The following SAMM50 variants were observed in gnomAD, a reference collection of about 807,000 sequenced individuals.
The protein encoded by SAMM50 is sorting and assembly machinery component 50 homolog.
Under a neutral mutation model 66.9 loss-of-function variants are expected in SAMM50, and 47 were observed. That is an observed-to-expected ratio of 0.70 (90% CI 0.56 to 0.90). SAMM50 has a LOEUF of 0.90. Among genes scored for constraint, SAMM50 ranks in the 40% least tolerant of loss-of-function variants. SAMM50 has a pLI of 0.00. For synonymous variants in SAMM50, 191 were observed against 214.1 expected (o/e 0.89, Z 0.94); for missense variants, 535 against 595.3 (o/e 0.90, Z 1.05).
intron 3 of SAMM50, among the ~76,000 whole-genome samples, chr22:43,966,200 C>T (rs897625828): frequency 6.6e-6 from 1 of 152,176 alleles, no homozygotes; most frequent in African/African-American, 2.4e-5. Flanking sequence ...TTCACTCTTA[C>T]AAACAATGCT....
At position 43,956,956 on chromosome 22, in the gene SAMM50, G is replaced by A; in HGVS notation, c.21+1358G>A. The A allele has an allele frequency of 5.0e-6, 3 of 601,498 alleles. No individual in the cohort carries two copies. The South Asian group carries it at 6.2e-5, about 12-fold the overall frequency. The allele number at this position is 601,498 out of a possible 1,614,324, so 37.3% of individuals were successfully genotyped here. ...TGGTTACTAGCAAGTAGGTCAGAGTGCAACCTGAGCTCTTCCTGCCATCTT... is the reference window on the plus strand; with the variant it reads ...TGGTTACTAGCAAGTAGGTCAGAGTACAACCTGAGCTCTTCCTGCCATCTT... On this transcript the variant is annotated intron_variant, in intron 1 of 14. Transcript: ENST00000350028.
chr22:43,962,480 C>G (rs9626068), intron 1 of SAMM50, among the ~76,000 whole-genome samples: 8,135 of 152,228 alleles, frequency 0.053, 248 homozygotes, highest in Middle Eastern at 0.078. Context: ...AATGCTCATT[C>G]AGAAGTTGCT....
intron 14 of SAMM50, among the ~76,000 whole-genome samples, chr22:43,995,791 G>C (rs1190223868): frequency 1.3e-5 from 2 of 152,236 alleles, no homozygotes; most frequent in African/African-American, 2.4e-5. Flanking sequence ...CAGAAGGTCA[G>C]CTCATAACAG....
chr22:43,963,502 A>T (rs2050158026), intron 2 of SAMM50, 106 bp downstream of exon 2: 1 of 587,446 alleles, frequency 1.7e-6, no homozygotes, highest in African/African-American at 1.9e-5. Context: ...TGCCTTTATC[A>T]AAGAAGAGTT....
chr22:43,969,137 G>A (rs1475787343), intron 4 of SAMM50, among the ~76,000 whole-genome samples: 2 of 152,164 alleles, frequency 1.3e-5, no homozygotes, highest in African/African-American at 4.8e-5. Context: ...CCGGGGAGGA[G>A]TGGTGAACTT....
Position 43,962,881 on chromosome 22 carries a change from A to ATTTTTTTTTTTTTTT in SAMM50, c.22-386_22-372dup, listed in dbSNP as rs58022542. On this transcript the variant is annotated intron_variant, in intron 1 of 14. Coordinates refer to ENST00000350028, the MANE Select transcript of SAMM50 (RefSeq NM_015380.5). ...GATTTGTGCGTGACCCTTTTGGTTA[A>ATTTTTTTTTTTTTTT]TTTTTTTTTTTTTTTTTTTTTTTTT... Among the ~76,000 whole-genome samples the ATTTTTTTTTTTTTTT allele has an allele frequency of 2.3e-4, 15 of 65,518 alleles. 1 individual carries two copies. Among genetic ancestry groups the ATTTTTTTTTTTTTTT allele is most frequent in the Non-Finnish European group, 3.2e-4 (12 of 37,172 alleles). The allele number at this position is 65,518 out of a possible 152,430, so 43.0% of individuals were successfully genotyped here. A position where few individuals can be genotyped will look rare whatever the true frequency, so the allele number is the denominator to read the frequency against.
intron 9 of SAMM50, among the ~76,000 whole-genome samples, 189 bp downstream of exon 9, chr22:43,977,010 C>G (rs1185281425): frequency 6.6e-6 from 1 of 152,214 alleles, no homozygotes; most frequent in African/African-American, 2.4e-5. Flanking sequence ...CTCCCTACCC[C>G]CTGCAGTTCA....
At position 43,981,396 on chromosome 22, in the gene SAMM50, T is replaced by A; in HGVS notation, c.942T>A (p.Phe314Leu). The A allele has an allele frequency of 1.2e-6, 2 of 1,613,586 alleles. No homozygotes were observed. The highest frequency in any genetic ancestry group is 1.7e-6 in the Non-Finnish European group (2 of 1,179,554). The part of the protein sequence containing the change: ...LNKQLIFDSV[F>L]SASFWGGMLV... ...ATTTGTTTCTATTTGAACAGGTTTT[T>A]TCAGCGTCTTTCTGGGGCGGAATGT... Residue 314 changes from phenylalanine (F) to leucine (L), a missense_variant, in exon 11 of 15, where the codon TTT (phenylalanine) becomes TTA (leucine). Transcript: ENST00000350028.
chr22:43,979,612 C>G (rs921125209), intron 10 of SAMM50, among the ~76,000 whole-genome samples: 9 of 151,910 alleles, frequency 5.9e-5, no homozygotes, highest in African/African-American at 2.2e-4. Context: ...ACATATTAGT[C>G]TTTTTGAGTC....
intron 7 of SAMM50, 97 bp from the exon 8 acceptor site, chr22:43,975,958 T>A: frequency 7.9e-7 from 1 of 1,266,988 alleles, no homozygotes; most frequent in South Asian, 1.4e-5. Flanking sequence ...ATTAGATATT[T>A]AGTTCATTGT....
intron 11 of SAMM50, among the ~76,000 whole-genome samples, chr22:43,982,469 G>A (rs552000532): frequency 2.6e-5 from 4 of 152,224 alleles, no homozygotes; most frequent in South Asian, 2.1e-4. Flanking sequence ...CCTTTCCAGC[G>A]TGCATGCAGG....
Position 43,996,377 on chromosome 22 carries a change from C to T in SAMM50, c.1404C>T (p.Phe468=), listed in dbSNP as rs368756992. The T allele has an allele frequency of 3.3e-5, 54 of 1,614,040 alleles. No individual in the cohort carries two copies. The highest frequency in any genetic ancestry group is 4.3e-5 in the Non-Finnish European group (51 of 1,179,990). Residue 468 remains phenylalanine, a synonymous_variant, in exon 15 of 15, where the codon TTC becomes TTT. Coordinates refer to ENST00000350028, the MANE Select transcript of SAMM50 (RefSeq NM_015380.5). ...TCCAGTTTGGAGCTGGGATAAGGTT[C>T]CTGTAGCCGACACCCCTACAGGAGA... is the stretch of plus-strand genomic sequence containing the variant. ...DGVQFGAGIR[F]L is the part of the protein sequence containing the mutation.
chr22:43,995,324 A>T (rs893209370), intron 14 of SAMM50: 1 of 152,226 alleles, frequency 6.6e-6, no homozygotes, highest in African/African-American at 2.4e-5. Context: ...GCCGGTGTGC[A>T]TGTGCTCCAA....
At chr22:43,956,500 T>A (rs567662829) in intron 1 of SAMM50, among the ~76,000 whole-genome samples, 1 of 152,362 alleles carries the variant, frequency 6.6e-6, no homozygotes, top group East Asian at 1.9e-4. Context: ...TCTTCTGACA[T>A]CTCTTTGTGT....
intron 12 of SAMM50, chr22:43,988,036 A>C (rs993256782): frequency 6.6e-6 from 1 of 152,168 alleles, no homozygotes; most frequent in African/African-American, 2.4e-5. Flanking sequence ...TTTATTTCTG[A>C]ATGGTAGAAA....
rs578136170 is a variant in SAMM50, at chr22:43,972,994, G to A, written c.553G>A (p.Glu185Lys). 44 of 1,588,252 alleles carry A rather than the reference G, an allele frequency of 2.8e-5. No individual in the cohort carries two copies. Among genetic ancestry groups the A allele is most frequent in the African/African-American group, 1.2e-4 (9 of 72,832 alleles). The part of the protein sequence containing the change: ...SFFKPRPGNF[E>K]RNFSVNLYKV... ...CTTCAAACCACGGCCCGGAAACTTC[G>A]AAAGAAAGTAGGAAGCCCAACAGAT... The change falls in exon 6 of 15, where the codon GAA (glutamate) becomes AAA (lysine). Residue 185 changes from glutamate (E) to lysine (K), a missense_variant. Glu to Lys is a moderately conservative substitution (Grantham distance 56, BLOSUM62 1). Transcript: ENST00000350028.
intron 12 of SAMM50, among the ~76,000 whole-genome samples, chr22:43,984,458 A>G (rs1603419978): frequency 6.7e-6 from 1 of 150,242 alleles, no homozygotes; most frequent in Non-Finnish European, 1.5e-5. Context: ...GATTACAGGC[A>G]CCCGCCACCA....
intron 12 of SAMM50, 95 bp downstream of exon 12, chr22:43,984,095 T>C: frequency 5.6e-6 from 6 of 1,062,602 alleles, no homozygotes; most frequent in Non-Finnish European, 8.1e-6. Flanking sequence ...ATAATAGACA[T>C]TCCTCTTTCA....
Position 43,968,766 on chromosome 22 carries a change from G to A in SAMM50, c.270G>A (p.Leu90=), listed in dbSNP as rs752978859. The change falls in exon 4 of 15, where the codon TTG becomes TTA. Residue 90 remains leucine, a synonymous_variant. Transcript: ENST00000350028. ...MRKSHEAREK[L]LRLGIFRQVD... ...AATCTCATGAAGCCCGTGAAAAATT[G>A]CTCCGTCTTGGAATTTTTAGACAAG... 3.1e-6 allele frequency: 5 copies of A among 1,613,282 alleles called. No homozygotes were observed. In the East Asian group the frequency reaches 1.1e-4, roughly 36 times the overall value.
Sources: gnomAD v4.1 joint callset for allele counts (sites outside exome capture counted in the v4.1 genomes callset) on GRCh38, gnomAD v4.1.1 for gene constraint, MANE v1.5 for transcripts, NCBI Gene and HGNC (gene_info 2026-07-23, HGNC 2026-07-21) for gene names.